Variants in ADAMTS17 observed in about 807,000 individuals in gnomAD.
The protein encoded by ADAMTS17 is A disintegrin and metalloproteinase with thrombospondin motifs 17.
Under a neutral mutation model 141.5 loss-of-function variants are expected in ADAMTS17, and 113 were observed. The observed-to-expected ratio is 0.80, with a 90% CI of 0.69 to 0.93. The LOEUF (loss-of-function observed/expected upper bound fraction) is 0.93, where lower values mean the gene tolerates loss of function less well. Among genes scored for constraint, ADAMTS17 ranks in the 40% least tolerant of loss-of-function variants. ADAMTS17 has a pLI of 0.00. For missense variants in ADAMTS17, 1,659 were observed against 1,517.9 expected (o/e 1.09, Z -1.54); for synonymous variants, 768 against 630.6 (o/e 1.22, Z -3.27).
chr15:100,340,563 G>C (rs2046332656), intron 2 of ADAMTS17, among the ~76,000 whole-genome samples: 1 of 152,164 alleles, frequency 6.6e-6, no homozygotes, highest in Non-Finnish European at 1.5e-5. Context: ...CAGGTACAGA[G>C]AGAAGACTCA....
At chr15:100,262,327 T>A (rs1186402967) in intron 5 of ADAMTS17, 25 bp downstream of exon 5, 1 of 1,608,722 alleles carries the variant, frequency 6.2e-7, no homozygotes, top group Non-Finnish European at 8.5e-7. Flanking sequence ...TTCTGCTTGC[T>A]TGAAAGGTGC....
intron 15 of ADAMTS17, among the ~76,000 whole-genome samples, chr15:100,072,919 A>G (rs896982681): frequency 6.6e-6 from 1 of 152,236 alleles, no homozygotes; most frequent in African/African-American, 2.4e-5. Context: ...GACAAAATTG[A>G]CAAAATTAAA....
chr15:100,301,864 TA>T (rs2045051298), intron 3 of ADAMTS17, among the ~76,000 whole-genome samples: 2 of 152,246 alleles, frequency 1.3e-5, no homozygotes, highest in East Asian at 3.8e-4. Flanking sequence ...TACAAATTAC[TA>T]TTAAAGCATC....
chr15:100,143,881 A>G (rs1275249412), intron 10 of ADAMTS17, among the ~76,000 whole-genome samples: 2 of 152,170 alleles, frequency 1.3e-5, no homozygotes, highest in Non-Finnish European at 1.5e-5. Context: ...TGATGTTTAA[A>G]TTGATTGGTC....
intron 10 of ADAMTS17, among the ~76,000 whole-genome samples, chr15:100,150,741 C>T (rs375520902): frequency 9.8e-5 from 15 of 152,306 alleles, no homozygotes; most frequent in African/African-American, 3.1e-4. Flanking sequence ...ACTGGCCCTG[C>T]GGAGGACTCC....
At chr15:100,207,559 C>T (rs568197957) in intron 7 of ADAMTS17, among the ~76,000 whole-genome samples, 2 of 152,250 alleles carry the variant, frequency 1.3e-5, no homozygotes, top group South Asian at 2.1e-4. Flanking sequence ...TTGATGTTCA[C>T]GACATGGTTT....
intron 3 of ADAMTS17, among the ~76,000 whole-genome samples, chr15:100,313,105 A>G (rs924783894): frequency 6.6e-6 from 1 of 152,194 alleles, no homozygotes; most frequent in Non-Finnish European, 1.5e-5. Flanking sequence ...TACAAAACCA[A>G]TAGCTTCCAT....
chr15:100,263,496 G>C (rs892343205), intron 4 of ADAMTS17, among the ~76,000 whole-genome samples: 1 of 152,146 alleles, frequency 6.6e-6, no homozygotes, highest in African/African-American at 2.4e-5. Flanking sequence ...GAACTTAATT[G>C]TAAGGACCTC....
At position 100,055,134 on chromosome 15, in the gene ADAMTS17, C is replaced by T. The variant is rs778963259; in HGVS notation, c.2138-1080G>A. On this transcript the variant is annotated intron_variant, in intron 15 of 21. Transcript: ENST00000268070. ...GGGCACCCTCAGTCCTATGCCCACA[C>T]TCCCTGTACACACAACTGGAGCCCC... 1.2e-4 allele frequency among the ~76,000 whole-genome samples: 19 copies of T among 152,310 alleles called. No individual in the cohort carries two copies. In the East Asian group the frequency reaches 2.9e-3, roughly 23 times the overall value.
rs937029347 is a variant in ADAMTS17, at chr15:100,208,267, G to A, written c.1076-8844C>T. Reference sequence around the variant, plus strand: ...CGGCAACAGGCATTCCGGGTGTGCAGAACCAAATGCAGCAAGCCAGAAACA... The same window carrying A: ...CGGCAACAGGCATTCCGGGTGTGCAAAACCAAATGCAGCAAGCCAGAAACA... On this transcript the variant is annotated intron_variant, in intron 7 of 21. Transcript: ENST00000268070. Among the ~76,000 whole-genome samples, 17 of 152,344 alleles carry A rather than the reference G, an allele frequency of 1.1e-4. 1 individual carries two copies. The highest frequency in any genetic ancestry group is 6.2e-4 in the South Asian group (3 of 4,834).
At chr15:100,187,615 A>T (rs1377625283) in intron 8 of ADAMTS17, among the ~76,000 whole-genome samples, 1 of 152,218 alleles carries the variant, frequency 6.6e-6, no homozygotes, top group Non-Finnish European at 1.5e-5. Flanking sequence ...CTTCCAGGCC[A>T]TGGGTAATAA....
At chr15:100,140,729 C>T (rs1025881954) in intron 10 of ADAMTS17, among the ~76,000 whole-genome samples, 1 of 151,928 alleles carries the variant, frequency 6.6e-6, no homozygotes, top group African/African-American at 2.4e-5. Flanking sequence ...CAGGCTCCTT[C>T]CCACTGGTTA....
At chr15:100,055,586 G>A (rs879763555) in intron 15 of ADAMTS17, among the ~76,000 whole-genome samples, 10 of 152,174 alleles carry the variant, frequency 6.6e-5, no homozygotes, top group Admixed American at 1.3e-4. Context: ...ATGAGAGGCT[G>A]AGGATTATAG....
chr15:100,331,385 C>T (rs148255889), intron 2 of ADAMTS17, among the ~76,000 whole-genome samples: 7 of 152,096 alleles, frequency 4.6e-5, no homozygotes, highest in African/African-American at 1.2e-4. Flanking sequence ...AAAAATCATC[C>T]CCCCAAAAGT....
chr15:100,205,343 C>A (rs889777462), intron 7 of ADAMTS17, among the ~76,000 whole-genome samples: 2 of 152,178 alleles, frequency 1.3e-5, no homozygotes, highest in African/African-American at 4.8e-5. Flanking sequence ...TTTATGCCAA[C>A]AGTTTGCTGC....
At chr15:100,153,107 CTA>C (rs1239892704) in intron 9 of ADAMTS17, among the ~76,000 whole-genome samples, 1 of 152,184 alleles carries the variant, frequency 6.6e-6, no homozygotes. Flanking sequence ...TTTTCTTAGA[CTA>C]TGGCTTTGAG....
At chr15:100,241,239 T>G (rs770426825) in intron 7 of ADAMTS17, among the ~76,000 whole-genome samples, 15 of 152,212 alleles carry the variant, frequency 9.9e-5, no homozygotes, top group Non-Finnish European at 2.1e-4. Context: ...AAGACTACTT[T>G]TTAATTCTTC....
chr15:100,051,804 A>T, intron 16 of ADAMTS17, 73 bp from the exon 17 acceptor site: 1 of 1,583,610 alleles, frequency 6.3e-7, no homozygotes, highest in South Asian at 1.1e-5. Context: ...ATCTGCACAC[A>T]CAGGCACACT....
chr15:100,252,534 T>G (rs1392176809), intron 7 of ADAMTS17, among the ~76,000 whole-genome samples: 1 of 152,130 alleles, frequency 6.6e-6, no homozygotes, highest in Non-Finnish European at 1.5e-5. Context: ...ATGGGTACTG[T>G]GGCCAAGCCT....
Sources: gnomAD v4.1 joint callset for allele counts (sites outside exome capture counted in the v4.1 genomes callset) on GRCh38, gnomAD v4.1.1 for gene constraint, MANE v1.5 for transcripts, NCBI Gene and HGNC (gene_info 2026-07-23, HGNC 2026-07-21) for gene names.